Variants in NAALADL2 observed in about 807,000 individuals in gnomAD.
The protein encoded by NAALADL2 is inactive N-acetylated-alpha-linked acidic dipeptidase-like protein 2.
Under a neutral mutation model 87.2 loss-of-function variants are expected in NAALADL2, and 76 were observed. That is an observed-to-expected ratio of 0.87 (90% confidence interval 0.72 to 1.05). The LOEUF is 1.05. Ranked by LOEUF, NAALADL2 falls within the 50% of genes least tolerant of loss-of-function variation. The pLI is 0.00. For missense variants in NAALADL2, 1,089 were observed against 945.8 expected (o/e 1.15, Z -1.99); for synonymous variants, 354 against 331.0 (o/e 1.07, Z -0.75).
intron 4 of NAALADL2, among the ~76,000 whole-genome samples, chr3:175,258,685 G>T (rs980052104): frequency 3.9e-5 from 6 of 152,246 alleles, no homozygotes; most frequent in South Asian, 2.1e-4. Flanking sequence ...GATAAGTTCA[G>T]CTGCATGCCT....
At chr3:175,484,483 G>A (rs892913636) in intron 9 of NAALADL2, among the ~76,000 whole-genome samples, 8 of 151,978 alleles carry the variant, frequency 5.3e-5, no homozygotes, top group Non-Finnish European at 8.8e-5. Flanking sequence ...ATTTACTGTT[G>A]CCATTAATTC....
At chr3:175,139,371 A>G (rs1729644831) in intron 2 of NAALADL2, among the ~76,000 whole-genome samples, 1 of 152,094 alleles carries the variant, frequency 6.6e-6, no homozygotes, top group Admixed American at 6.5e-5. Context: ...GTAATTTGTA[A>G]TGTGGAAATA....
intron 5 of NAALADL2, among the ~76,000 whole-genome samples, chr3:175,392,712 T>C (rs1769228737): frequency 6.6e-6 from 1 of 152,126 alleles, no homozygotes; most frequent in South Asian, 2.1e-4. Flanking sequence ...AGCACAACTT[T>C]GGAATGAAAA....
chr3:174,713,033 T>A (rs1730825842), intron 2 of NAALADL2, among the ~76,000 whole-genome samples: 1 of 150,988 alleles, frequency 6.6e-6, no homozygotes, highest in Non-Finnish European at 1.5e-5. Context: ...AATTCCCACC[T>A]ATGAGTGAGA....
chr3:174,593,338 C>CCA (rs1717576013), intron 2 of NAALADL2, among the ~76,000 whole-genome samples: 3 of 152,056 alleles, frequency 2.0e-5, no homozygotes, highest in Non-Finnish European at 4.4e-5. Context: ...TGTCAGACAC[C>CCA]GTTGCAAGTG....
In NAALADL2 at chr3:174,956,632, A is replaced by C. The variant is rs568331589; in HGVS notation, c.43+97182A>C. Among the ~76,000 whole-genome samples, 15 of 152,240 alleles carry C rather than the reference A, an allele frequency of 9.9e-5. No individual in the cohort carries two copies. The South Asian group carries it at 3.1e-3, about 32-fold the overall frequency. ...AGCCATTAGGCTTTATGTATAATCCATAGATAAATGGACTAGCTGACTCTA... is the reference window on the plus strand; with the variant it reads ...AGCCATTAGGCTTTATGTATAATCCCTAGATAAATGGACTAGCTGACTCTA... On this transcript the variant is annotated intron_variant, in intron 1 of 13. Transcript: ENST00000454872.
chr3:175,595,215 G>A lies in NAALADL2; in HGVS notation c.1800+19028G>A, dbSNP rs550688133. Among the ~76,000 whole-genome samples, 5 of 152,182 alleles carry A rather than the reference G, an allele frequency of 3.3e-5. No homozygotes were observed. In the South Asian group the frequency reaches 8.3e-4, roughly 25 times the overall value. On this transcript the variant is annotated intron_variant, in intron 10 of 13. Transcript: ENST00000454872. The stretch of plus-strand genomic sequence containing the variant: ...GGTCCAGTTTCATTATTCTGCATAT[G>A]AGTATCCAGTTATTCCAGCATCATT...
At chr3:174,898,122 AAAAAAAAAAAAAAAAAAAAAAG>A (rs1303393846) in intron 1 of NAALADL2, among the ~76,000 whole-genome samples, 5 of 140,112 alleles carry the variant, frequency 3.6e-5, no homozygotes, top group African/African-American at 1.3e-4. Context: ...CAAAAAAAAA[AAAAAAAAAAAAAAAAAAAAAAG>A]AAAAAAAGAA....
At chr3:175,260,636 T>A (rs1423061266) in intron 4 of NAALADL2, among the ~76,000 whole-genome samples, 3 of 152,076 alleles carry the variant, frequency 2.0e-5, no homozygotes, top group Non-Finnish European at 4.4e-5. Context: ...GAATCAACAG[T>A]TAGTCATGAT....
At chr3:175,657,455 A>G (rs886604980) in intron 11 of NAALADL2, among the ~76,000 whole-genome samples, 1 of 152,170 alleles carries the variant, frequency 6.6e-6, no homozygotes, top group Admixed American at 6.5e-5. Context: ...GAATAAAGAC[A>G]TTAAAATAAA....
intron 4 of NAALADL2, among the ~76,000 whole-genome samples, chr3:175,258,339 A>AG (rs1483175932): frequency 6.6e-6 from 1 of 151,218 alleles, no homozygotes; most frequent in Non-Finnish European, 1.5e-5. Flanking sequence ...AAAAAAAAAA[A>AG]AAAAGAAAGA....
intron 2 of NAALADL2, among the ~76,000 whole-genome samples, chr3:175,139,062 A>T (rs561562327): frequency 6.6e-6 from 1 of 151,468 alleles, no homozygotes; most frequent in Admixed American, 6.6e-5. Flanking sequence ...TTTCTGTCCA[A>T]TGTTATATTA....
intron 2 of NAALADL2, among the ~76,000 whole-genome samples, chr3:174,658,228 G>A (rs553646725): frequency 8.5e-5 from 13 of 152,134 alleles, no homozygotes; most frequent in East Asian, 5.8e-4. Flanking sequence ...CCATTTTTGC[G>A]TTCCCACCGG....
At chr3:175,718,213 T>G (rs991854689) in intron 11 of NAALADL2, 24 of 782,928 alleles carry the variant, frequency 3.1e-5, no homozygotes, top group Admixed American at 6.3e-5. Flanking sequence ...TTTTTTTTTT[T>G]TTTTTTTTTT....
intron 2 of NAALADL2, among the ~76,000 whole-genome samples, chr3:175,201,647 ATTC>A (rs891875389): frequency 2.6e-5 from 4 of 152,082 alleles, no homozygotes; most frequent in African/African-American, 9.7e-5. Context: ...ATTTTTTCCA[ATTC>A]TTCTTTAAAT....
At position 175,473,282 on chromosome 3, in the gene NAALADL2, G is replaced by A. The variant is rs572713840; in HGVS notation, c.1653+1524G>A. Among the ~76,000 whole-genome samples, 27 of 152,064 alleles carry A rather than the reference G, an allele frequency of 1.8e-4. 1 individual carries two copies. In the East Asian group the frequency reaches 4.2e-3, roughly 24 times the overall value. On this transcript the variant is annotated intron_variant, in intron 9 of 13. Transcript: ENST00000454872. ...TGATTGATGATTCACAAATGATGAC[G>A]TACATGTCAACATGTACCTCACTTT...
chr3:175,588,031 G>T (rs1463515204), intron 10 of NAALADL2, among the ~76,000 whole-genome samples: 1 of 151,956 alleles, frequency 6.6e-6, no homozygotes, highest in East Asian at 1.9e-4. Flanking sequence ...TGATCAAAAG[G>T]GGAGTTGTGG....
chr3:175,736,620 G>A (rs1333341140), intron 11 of NAALADL2, among the ~76,000 whole-genome samples: 1 of 152,194 alleles, frequency 6.6e-6, no homozygotes, highest in African/African-American at 2.4e-5. Flanking sequence ...CAACATACAG[G>A]TTAAAATGTC....
intron 1 of NAALADL2, among the ~76,000 whole-genome samples, chr3:174,982,802 A>ATTT (rs1317804962): frequency 5.4e-5 from 8 of 149,302 alleles, no homozygotes; most frequent in African/African-American, 1.7e-4. Context: ...CCAGGTTAAA[A>ATTT]TTTTTTTTTT....
Sources: allele counts gnomAD v4.1 joint callset (sites outside exome capture counted in the v4.1 genomes callset), GRCh38; gene constraint gnomAD v4.1.1; transcripts MANE v1.5; gene names NCBI Gene and HGNC (gene_info 2026-07-23, HGNC 2026-07-21).